The following PPFIA2 variants were observed in gnomAD, a reference collection of about 807,000 sequenced individuals.
The protein encoded by PPFIA2 is liprin-alpha-2.
A neutral mutation model predicts 175.5 loss-of-function variants in PPFIA2; 46 were observed. The ratio of observed to expected loss-of-function variants is 0.26; its 90% CI spans 0.21 to 0.34. The LOEUF (loss-of-function observed/expected upper bound fraction) is 0.34, where lower values mean the gene tolerates loss of function less well. Among genes scored for constraint, PPFIA2 ranks in the 10% least tolerant of loss-of-function variants. The pLI is 1.00. For missense variants in PPFIA2, 1,179 were observed against 1,506.1 expected (o/e 0.78, Z 3.60); for synonymous variants, 568 against 511.4 (o/e 1.11, Z -1.49).
intron 4 of PPFIA2, among the ~76,000 whole-genome samples, chr12:81,624,084 G>A (rs1365969004): frequency 6.6e-6 from 1 of 151,908 alleles, no homozygotes; most frequent in Non-Finnish European, 1.5e-5. Flanking sequence ...GCAATGCAAG[G>A]AAGAGGTGTT....
chr12:81,582,745 C>T (rs922632498), intron 4 of PPFIA2, among the ~76,000 whole-genome samples: 5 of 151,722 alleles, frequency 3.3e-5, no homozygotes, highest in African/African-American at 4.8e-5. Flanking sequence ...AAAAAATCTT[C>T]AAATTTGTAT....
At chr12:81,544,386 A>T (rs1056945367) in intron 4 of PPFIA2, among the ~76,000 whole-genome samples, 1 of 152,124 alleles carries the variant, frequency 6.6e-6, no homozygotes. Flanking sequence ...ATGGAGTGAT[A>T]GTGTACCTCA....
intron 14 of PPFIA2, 94 bp from the exon 15 acceptor site, chr12:81,362,878 C>A: frequency 1.4e-6 from 1 of 722,934 alleles, no homozygotes; most frequent in Non-Finnish European, 2.2e-6. Flanking sequence ...AAAGGAAAAA[C>A]TGAGGATATA....
chr12:81,734,910 G>A (rs957413430), intron 3 of PPFIA2, among the ~76,000 whole-genome samples: 2 of 151,628 alleles, frequency 1.3e-5, no homozygotes, highest in African/African-American at 2.4e-5. Context: ...TCATGAATAA[G>A]GAATCATGTA....
At chr12:81,467,227 C>A (rs114771356) in intron 4 of PPFIA2, among the ~76,000 whole-genome samples, 1 of 152,008 alleles carries the variant, frequency 6.6e-6, no homozygotes, top group Admixed American at 6.6e-5. Context: ...ATATATCTTA[C>A]TGTACCCCTC....
At chr12:81,420,459 A>G (rs1334662967) in intron 7 of PPFIA2, among the ~76,000 whole-genome samples, 1 of 152,088 alleles carries the variant, frequency 6.6e-6, no homozygotes, top group African/African-American at 2.4e-5. Flanking sequence ...TGAAAAAAAT[A>G]AAAGTTCAAT....
intron 21 of PPFIA2, among the ~76,000 whole-genome samples, chr12:81,338,344 G>GAT (rs1397322404): frequency 2.0e-5 from 3 of 151,936 alleles, no homozygotes; most frequent in Non-Finnish European, 2.9e-5. Flanking sequence ...ATAAGTGAAG[G>GAT]ATATATATAA....
intron 4 of PPFIA2, among the ~76,000 whole-genome samples, chr12:81,553,047 C>G (rs1278008746): frequency 1.3e-5 from 2 of 151,704 alleles, no homozygotes; most frequent in Non-Finnish European, 2.9e-5. Context: ...ATGAAAGAGC[C>G]ACAGTTCATG....
At chr12:81,603,090 T>A (rs182150480) in intron 4 of PPFIA2, among the ~76,000 whole-genome samples, 15 of 151,926 alleles carry the variant, frequency 9.9e-5, no homozygotes, top group Non-Finnish European at 1.9e-4. Flanking sequence ...TATTAGAAAT[T>A]CAAAACTTCA....
intron 4 of PPFIA2, among the ~76,000 whole-genome samples, chr12:81,556,494 C>A (rs1046635449): frequency 4.6e-5 from 7 of 151,776 alleles, no homozygotes; most frequent in African/African-American, 1.7e-4. Flanking sequence ...CACAAACTAA[C>A]ATAACATATA....
intron 3 of PPFIA2, among the ~76,000 whole-genome samples, chr12:81,686,451 C>G (rs1387854498): frequency 6.6e-6 from 1 of 152,076 alleles, no homozygotes; most frequent in African/African-American, 2.4e-5. Flanking sequence ...TCAGGTTCTA[C>G]ATTTTCCACT....
intron 4 of PPFIA2, among the ~76,000 whole-genome samples, chr12:81,566,975 A>T (rs1186604714): frequency 1.3e-5 from 2 of 152,258 alleles, no homozygotes; most frequent in Admixed American, 1.3e-4. Context: ...GAATAAAATT[A>T]TAATAGTAAT....
intron 3 of PPFIA2, among the ~76,000 whole-genome samples, chr12:81,701,087 C>A (rs116172756): frequency 1.3e-5 from 2 of 152,064 alleles, no homozygotes; most frequent in African/African-American, 4.8e-5. Context: ...CAGAATGAAA[C>A]GGCTTCCTTC....
chr12:81,750,038 A>G (rs1158140481), intron 3 of PPFIA2, among the ~76,000 whole-genome samples: 1 of 144,036 alleles, frequency 6.9e-6, no homozygotes, highest in Non-Finnish European at 1.6e-5. Flanking sequence ...GCACATAAAC[A>G]GACAATTTAA....
At chr12:81,704,468 T>A (rs1255228465) in intron 3 of PPFIA2, among the ~76,000 whole-genome samples, 1 of 152,010 alleles carries the variant, frequency 6.6e-6, no homozygotes, top group Non-Finnish European at 1.5e-5. Flanking sequence ...ATAAAATGAC[T>A]TCATGATGAG....
chr12:81,286,288 GT>G (rs1271458389), intron 24 of PPFIA2, among the ~76,000 whole-genome samples: 1 of 152,046 alleles, frequency 6.6e-6, no homozygotes, highest in African/African-American at 2.4e-5. Context: ...AAATAAAAAG[GT>G]TTTTTTATGA....
At chr12:81,374,572 A>G (rs1013587886) in intron 11 of PPFIA2, 62 bp downstream of exon 11, 187 of 1,503,554 alleles carry the variant, frequency 1.2e-4, no homozygotes, top group Non-Finnish European at 1.6e-4. Flanking sequence ...TACACATTCC[A>G]TTTTGATTAC....
rs1324451284 is a variant in PPFIA2, at chr12:81,708,029, G to T, written c.250-31185C>A. Among the ~76,000 whole-genome samples, 729 of 121,304 alleles carry T rather than the reference G, an allele frequency of 6.0e-3. 8 individuals carry two copies. Among genetic ancestry groups the T allele is most frequent in the African/African-American group, 0.021 (686 of 32,460 alleles). 79.6% of individuals were successfully genotyped at this position (121,304 alleles called of 152,430 possible). On this transcript the variant is annotated intron_variant, in intron 3 of 32. Transcript: ENST00000549396. ...ACACTCTGGGGACTGTTGTGGGGTG[G>T]GGGGAGGGGGGAGGGATAGCATTGG... is the stretch of plus-strand genomic sequence containing the variant.
At chr12:81,362,940 C>A (rs1595577994) in intron 14 of PPFIA2, among the ~76,000 whole-genome samples, 156 bp from the exon 15 acceptor site, 1 of 151,246 alleles carries the variant, frequency 6.6e-6, no homozygotes, top group Admixed American at 6.6e-5. Context: ...AAATTTTCCC[C>A]TTGTAATAAA....
Sources: allele counts gnomAD v4.1 joint callset (sites outside exome capture counted in the v4.1 genomes callset), GRCh38; gene constraint gnomAD v4.1.1; transcripts MANE v1.5; gene names NCBI Gene and HGNC (gene_info 2026-07-23, HGNC 2026-07-21).